The following TSPEAR variants were observed in gnomAD, a reference collection of about 807,000 sequenced individuals.
TSPEAR encodes thrombospondin-type laminin G domain and EAR repeat-containing protein.
In TSPEAR, 69 loss-of-function variants were observed where a neutral mutation model predicts 71.6. The ratio of observed to expected loss-of-function variants is 0.96; its 90% confidence interval spans 0.79 to 1.18. The LOEUF is 1.18. Ranked by LOEUF, TSPEAR falls within the 50% of genes most tolerant of loss-of-function variation. The probability of loss-of-function intolerance (pLI) is 0.00; values close to 1 mark genes in which losing one functional copy is unlikely to be tolerated. For synonymous variants in TSPEAR, 402 were observed against 387.2 expected, an observed-to-expected ratio of 1.04 and a Z score of -0.45; for missense variants, 971 against 894.9, an observed-to-expected ratio of 1.09 and a Z score of -1.09.
chr21:44,572,690 G>T (rs183443837), intron 1 of TSPEAR, among the ~76,000 whole-genome samples: 3 of 151,918 alleles, frequency 2.0e-5, no homozygotes, highest in African/African-American at 7.3e-5. Flanking sequence ...TCCCTCAAAA[G>T]GTGCCGAAGT....
intron 6 of TSPEAR, 115 bp from the exon 7 acceptor site, chr21:44,527,633 C>T: frequency 2.1e-6 from 2 of 937,922 alleles, no homozygotes; most frequent in Non-Finnish European, 1.6e-6. Context: ...TCCTGCGCCT[C>T]AGCCTCGGGC....
intron 1 of TSPEAR, chr21:44,579,752 G>A (rs782784650): frequency 4.4e-6 from 7 of 1,606,864 alleles, no homozygotes; most frequent in Admixed American, 3.3e-5. Flanking sequence ...CTCCTGGCCT[G>A]AGCAGAGGCC....
intron 1 of TSPEAR, chr21:44,627,023 A>C: frequency 7.9e-7 from 1 of 1,258,254 alleles, no homozygotes; most frequent in Non-Finnish European, 1.1e-6. Flanking sequence ...GCAACAAGGA[A>C]GGGGAAGCTG....
chr21:44,558,893 T>G (rs2053593943), intron 2 of TSPEAR: 1 of 806,980 alleles, frequency 1.2e-6, no homozygotes. Flanking sequence ...TTGTTGTTGT[T>G]GTAGGCACTG....
At chr21:44,677,795 A>G (rs1455839681) in intron 1 of TSPEAR, 14 of 1,294,348 alleles carry the variant, frequency 1.1e-5, no homozygotes, top group Non-Finnish European at 1.5e-5. Flanking sequence ...TTGGCAATGG[A>G]ACATTATAAG....
chr21:44,651,412 T>C (rs946625126), intron 1 of TSPEAR, among the ~76,000 whole-genome samples: 2 of 152,318 alleles, frequency 1.3e-5, no homozygotes, highest in East Asian at 3.9e-4. Context: ...GATCATCTCA[T>C]AGCAGTGGAG....
intron 1 of TSPEAR, among the ~76,000 whole-genome samples, chr21:44,584,623 T>A (rs1465408060): frequency 6.6e-6 from 1 of 152,174 alleles, no homozygotes; most frequent in East Asian, 1.9e-4. Flanking sequence ...TCTCTCTCTC[T>A]CACACACAAT....
chr21:44,632,907 T>G (rs1983336719), intron 1 of TSPEAR, among the ~76,000 whole-genome samples: 1 of 152,212 alleles, frequency 6.6e-6, no homozygotes, highest in South Asian at 2.1e-4. Flanking sequence ...GTAGTTTGTA[T>G]GTTAATAGGA....
At chr21:44,550,090 A>G (rs1201196816) in intron 2 of TSPEAR, among the ~76,000 whole-genome samples, 1 of 152,244 alleles carries the variant, frequency 6.6e-6, no homozygotes, top group Non-Finnish European at 1.5e-5. Context: ...TTCTACCCAC[A>G]GTGCGTGGGG....
At chr21:44,578,119 CTCTT>C (rs372616199) in intron 1 of TSPEAR, among the ~76,000 whole-genome samples, 56 of 152,312 alleles carry the variant, frequency 3.7e-4, no homozygotes, top group Admixed American at 2.4e-3. Context: ...TCCATTAAAC[CTCTT>C]TCTTTTGTAA....
At chr21:44,558,425 C>A in intron 2 of TSPEAR, 1 of 1,613,944 alleles carries the variant, frequency 6.2e-7, no homozygotes, top group South Asian at 1.1e-5. Context: ...CGCAGCAGGC[C>A]TGCTGGCAGG....
intron 2 of TSPEAR, chr21:44,539,833 C>T (rs781866183): frequency 6.3e-7 from 1 of 1,575,760 alleles, no homozygotes; most frequent in African/African-American, 1.4e-5. Context: ...AGCACACAGG[C>T]TTGCAGCAGA....
chr21:44,563,566 A>C (rs142090437), intron 2 of TSPEAR, among the ~76,000 whole-genome samples: 23 of 149,060 alleles, frequency 1.5e-4, no homozygotes, highest in Admixed American at 4.0e-4. Flanking sequence ...GTAGTGAAGA[A>C]AGAATATAAG....
chr21:44,596,230 C>T (rs116109286), intron 1 of TSPEAR, among the ~76,000 whole-genome samples: 1,695 of 152,306 alleles, frequency 0.011, 33 homozygotes, highest in African/African-American at 0.039. Context: ...ACGGGCAGCT[C>T]GCAATGTGCT....
chr21:44,627,010 T>G, intron 1 of TSPEAR: 1 of 1,175,240 alleles, frequency 8.5e-7, no homozygotes, highest in Non-Finnish European at 1.2e-6. Flanking sequence ...ACGCCGCCTC[T>G]CAGCAACAAG....
intron 1 of TSPEAR, among the ~76,000 whole-genome samples, chr21:44,692,081 C>T (rs1279423169): frequency 1.3e-5 from 2 of 152,234 alleles, no homozygotes; most frequent in East Asian, 3.9e-4. Context: ...TAGTATACCA[C>T]ACGAAGAGAA....
At chr21:44,511,919 ATGAG>A (rs1387022697) in intron 9 of TSPEAR, among the ~76,000 whole-genome samples, 1 of 152,242 alleles carries the variant, frequency 6.6e-6, no homozygotes, top group Non-Finnish European at 1.5e-5. Context: ...CATCTCAGTG[ATGAG>A]TGAGGTGCCC....
Position 44,623,115 on chromosome 21 carries a change from G to A in TSPEAR, c.83-55110C>T, listed in dbSNP as rs1314796941. ...TTTCCTGTACAACCTGCAGAACCAT[G>A]AGCCAACTAAACTTTCGTCTTATAA... On this transcript the variant is annotated intron_variant, in intron 1 of 11. Coordinates refer to ENST00000323084, the MANE Select transcript of TSPEAR (RefSeq NM_144991.3). This position sits in a 1 kb window ranked among gnomAD's most constrained non-coding sequence, Gnocchi z 4.5. Among the ~76,000 whole-genome samples the A allele has an allele frequency of 1.3e-5, 2 of 152,142 alleles. No homozygotes were observed. The highest frequency in any genetic ancestry group is 2.4e-5 in the African/African-American group (1 of 41,402).
At chr21:44,676,479 C>G (rs1986317684) in intron 1 of TSPEAR, 3 of 910,622 alleles carry the variant, frequency 3.3e-6, no homozygotes. Flanking sequence ...CTGCATGACT[C>G]TGAACAGCGT....
Sources: allele counts gnomAD v4.1 joint callset (sites outside exome capture counted in the v4.1 genomes callset), GRCh38; gene constraint gnomAD v4.1.1; non-coding constraint Gnocchi (gnomAD v3.1); transcripts MANE v1.5; gene names NCBI Gene and HGNC (gene_info 2026-07-23, HGNC 2026-07-21).